The following TMEM164 variants were observed in gnomAD, a reference collection of about 807,000 sequenced individuals.
The protein encoded by TMEM164 is transmembrane protein 164, also known as RP13-360B22.2.
In TMEM164, 4 loss-of-function variants were observed where a neutral mutation model predicts 18.8. That is an observed-to-expected ratio of 0.21 (90% CI 0.10 to 0.49). TMEM164 has a LOEUF of 0.49. TMEM164 is among the 20% of genes least tolerant of loss of function. TMEM164 has a pLI of 0.98. For missense variants in TMEM164, 108 were observed against 239.9 expected, an observed-to-expected ratio of 0.45 and a Z score of 3.63; for synonymous variants, 86 against 101.7, an observed-to-expected ratio of 0.85 and a Z score of 0.93.
At chrX:110,132,413 C>T (rs1173243699) in intron 4 of TMEM164, among the ~76,000 whole-genome samples, 2 of 111,475 alleles carry the variant, frequency 1.8e-5, no homozygotes, top group African/African-American at 6.5e-5. Flanking sequence ...CTGAAGGAAT[C>T]GCTGGCCTGA....
chrX:110,157,887 AT>A (rs2067038841), intron 5 of TMEM164, among the ~76,000 whole-genome samples: 1 of 110,684 alleles, frequency 9.0e-6, no homozygotes, highest in African/African-American at 3.3e-5. Context: ...TGGTTGATTG[AT>A]TGATTGATTG....
At chrX:110,139,011 C>T (rs924158116) in intron 4 of TMEM164, among the ~76,000 whole-genome samples, 4 of 111,797 alleles carry the variant, frequency 3.6e-5, no homozygotes, top group South Asian at 3.8e-4. Flanking sequence ...GCAGTGATGG[C>T]GATGAGTAGA....
rs189227546 is a variant in TMEM164, at chrX:110,072,839, T to C, written c.440+5443T>C. ...TATTTATTTTTTGTCTTTTTTTTTT[T>C]CCAATTTTTCTTCTAGATCCAAGGG... On this transcript the variant is annotated intron_variant, in intron 3 of 6. Transcript: ENST00000372068. Among the ~76,000 whole-genome samples, 105 of 110,069 alleles carry C rather than the reference T, an allele frequency of 9.5e-4. 1 individual carries two copies. Among genetic ancestry groups the C allele is most frequent in the African/African-American group, 3.1e-3 (95 of 30,368 alleles).
At chrX:110,025,407 G>A (rs998887626) in intron 2 of TMEM164, among the ~76,000 whole-genome samples, 2 of 111,682 alleles carry the variant, frequency 1.8e-5, no homozygotes, top group South Asian at 7.5e-4. Flanking sequence ...TATACAGAGG[G>A]AGTTAAAAAC....
chrX:110,115,503 T>C (rs767948241), intron 4 of TMEM164, among the ~76,000 whole-genome samples: 1 of 111,785 alleles, frequency 8.9e-6, no homozygotes, highest in South Asian at 3.7e-4. Flanking sequence ...TTGGGATTCC[T>C]GGTCCAAACC....
At chrX:110,154,562 G>A (rs943866977) in intron 5 of TMEM164, among the ~76,000 whole-genome samples, 3 of 111,589 alleles carry the variant, frequency 2.7e-5, no homozygotes, top group Non-Finnish European at 3.8e-5. Flanking sequence ...TAGAAGTACA[G>A]TCACATGCTG....
intron 2 of TMEM164, among the ~76,000 whole-genome samples, chrX:110,017,386 G>C (rs1344677606): frequency 1.5e-5 from 1 of 67,789 alleles, no homozygotes; most frequent in Non-Finnish European, 3.2e-5. Context: ...AGGATCTCCT[G>C]GCTGCAGGCC....
chrX:110,131,100 G>T (rs1325130636), intron 4 of TMEM164, among the ~76,000 whole-genome samples: 2 of 111,964 alleles, frequency 1.8e-5, no homozygotes, highest in Non-Finnish European at 3.8e-5. Context: ...GGGATTGTTA[G>T]GGGGAGATGT....
chrX:110,183,161 G>A (rs181376556), downstream of TMEM164, among the ~76,000 whole-genome samples: 1 of 112,436 alleles, frequency 8.9e-6, no homozygotes, highest in East Asian at 2.8e-4. Context: ...CAATGACTAA[G>A]GCTGGACAGC....
In TMEM164 at chrX:110,107,796, G is replaced by A. The variant is rs186992966; in HGVS notation, c.441-1284G>A. On this transcript the variant is annotated intron_variant, in intron 3 of 6. Coordinates refer to ENST00000372068, the MANE Select transcript of TMEM164 (RefSeq NM_032227.4). Reference sequence around the variant, plus strand: ...TGCCTCAGCCTCCCGAGTAGCCGAGGTTACAGGCGCCTGCCACCATGCCTG... The same window carrying A: ...TGCCTCAGCCTCCCGAGTAGCCGAGATTACAGGCGCCTGCCACCATGCCTG... Among the ~76,000 whole-genome samples, 378 of 109,442 alleles carry A rather than the reference G, an allele frequency of 3.5e-3. 1 individual carries two copies. The highest frequency in any genetic ancestry group is 0.011 in the South Asian group (27 of 2,470).
intron 3 of TMEM164, among the ~76,000 whole-genome samples, chrX:110,092,615 A>G (rs1410066801): frequency 2.7e-5 from 3 of 111,942 alleles, no homozygotes; most frequent in Non-Finnish European, 5.6e-5. Flanking sequence ...TGGGGCTGAG[A>G]TGATGGGGTT....
At chrX:110,099,167 A>T (rs1340335766) in intron 3 of TMEM164, among the ~76,000 whole-genome samples, 4 of 109,778 alleles carry the variant, frequency 3.6e-5, no homozygotes, top group Non-Finnish European at 5.7e-5. Flanking sequence ...TCTTTGTTGG[A>T]TATGTGATTT....
rs756699745 is a variant in TMEM164 at position 110,154,263 on chromosome X, T to G, written c.586+9387T>G. On this transcript the variant is annotated intron_variant, in intron 5 of 6. Coordinates refer to ENST00000372068, the MANE Select transcript of TMEM164 (RefSeq NM_032227.4). ...GATGTGCCTTTTAAAAGCATTTTGA[T>G]AACTATAGTTCAACATGATTATTTT... Among the ~76,000 whole-genome samples, 417 of 112,207 alleles carry G rather than the reference T, an allele frequency of 3.7e-3. 1 individual carries two copies. The highest frequency in any genetic ancestry group is 5.8e-3 in the Non-Finnish European group (308 of 53,254).
intron 2 of TMEM164, among the ~76,000 whole-genome samples, chrX:110,048,560 G>A (rs1455633298): frequency 1.9e-5 from 2 of 103,385 alleles, no homozygotes; most frequent in Non-Finnish European, 4.0e-5. Context: ...GAGGGGCCAA[G>A]TTTTTTTTTT....
intron 4 of TMEM164, among the ~76,000 whole-genome samples, chrX:110,131,691 A>G (rs1026991795): frequency 1.8e-5 from 2 of 111,588 alleles, no homozygotes; most frequent in African/African-American, 6.5e-5. Context: ...CTTTTGAACC[A>G]TCTCTTTGAT....
intron 4 of TMEM164, among the ~76,000 whole-genome samples, chrX:110,112,440 A>G (rs2147984088): frequency 9.0e-6 from 1 of 111,300 alleles, no homozygotes; most frequent in Non-Finnish European, 1.9e-5. Flanking sequence ...GGATTGCTTT[A>G]TCCTAGGAGT....
intron 3 of TMEM164, among the ~76,000 whole-genome samples, chrX:110,091,921 A>G (rs924842764): frequency 8.9e-6 from 1 of 112,118 alleles, no homozygotes; most frequent in Non-Finnish European, 1.9e-5. Context: ...TCAGCTTTCT[A>G]CATATGGTTA....
chrX:110,080,796 G>A lies in TMEM164; in HGVS notation c.440+13400G>A, dbSNP rs900562694. ...TGCAGTGGTGCATTCACGGCTCACT[G>A]CAGCCTTGGCCTGCTTGACTTAAGT... On this transcript the variant is annotated intron_variant, in intron 3 of 6. Transcript: ENST00000372068. 2.5e-4 allele frequency among the ~76,000 whole-genome samples: 28 copies of A among 111,067 alleles called. 1 individual carries two copies. The highest frequency in any genetic ancestry group is 2.2e-3 in the Admixed American group (23 of 10,347).
At chrX:110,145,256 C>T (rs775457036) in intron 5 of TMEM164, among the ~76,000 whole-genome samples, 1 of 111,124 alleles carries the variant, frequency 9.0e-6, no homozygotes, top group East Asian at 2.8e-4. Flanking sequence ...GTAAAGCACT[C>T]GGTCCCCTCA....
Sources: gnomAD v4.1 joint callset for allele counts (sites outside exome capture counted in the v4.1 genomes callset) on GRCh38, gnomAD v4.1.1 for gene constraint, MANE v1.5 for transcripts, NCBI Gene and HGNC (gene_info 2026-07-23, HGNC 2026-07-21) for gene names.